BRINP3: variants seen among roughly 807,000 people sequenced by gnomAD.
BRINP3 encodes BMP/retinoic acid inducible neural specific 3.
Under a neutral mutation model 71.0 loss-of-function variants are expected in BRINP3, and 19 were observed. That is an observed-to-expected ratio of 0.27 (90% CI 0.19 to 0.39). The LOEUF (loss-of-function observed/expected upper bound fraction) is 0.39, where lower values mean the gene tolerates loss of function less well. Among genes scored for constraint, BRINP3 ranks in the 10% least tolerant of loss-of-function variants. The pLI is 1.00. For missense variants in BRINP3, 959 were observed against 940.8 expected, an observed-to-expected ratio of 1.02 and a Z score of -0.25; for synonymous variants, 380 against 337.7, an observed-to-expected ratio of 1.13 and a Z score of -1.37.
chr1:190,257,365 T>C (rs1211204859), intron 4 of BRINP3, among the ~76,000 whole-genome samples: 2 of 152,096 alleles, frequency 1.3e-5, no homozygotes, highest in Non-Finnish European at 2.9e-5. Flanking sequence ...CTCTACACTG[T>C]TTATTCTAGT....
At chr1:190,472,107 A>G (rs575499836) in intron 1 of BRINP3, among the ~76,000 whole-genome samples, 5 of 151,722 alleles carry the variant, frequency 3.3e-5, no homozygotes, top group African/African-American at 7.2e-5. Flanking sequence ...CCCTTGAAAA[A>G]TATATTTTGT....
chr1:190,101,248 C>T (rs1487674445), intron 7 of BRINP3, among the ~76,000 whole-genome samples: 2 of 152,150 alleles, frequency 1.3e-5, no homozygotes, highest in Admixed American at 6.5e-5. Flanking sequence ...CTCAAAAATT[C>T]TCCCAAAAGT....
At chr1:190,409,889 G>T (rs945873472) in intron 2 of BRINP3, among the ~76,000 whole-genome samples, 5 of 152,068 alleles carry the variant, frequency 3.3e-5, no homozygotes, top group Non-Finnish European at 7.4e-5. Context: ...AGACAAAGGA[G>T]GCAGAGAGAG....
At chr1:190,203,477 G>A (rs1048014817) in intron 6 of BRINP3, among the ~76,000 whole-genome samples, 19 of 147,490 alleles carry the variant, frequency 1.3e-4, no homozygotes, top group Middle Eastern at 3.5e-3. Flanking sequence ...GTGTGTGTGT[G>A]TGTATATATA....
At chr1:190,170,549 C>T (rs1558032084) in intron 6 of BRINP3, among the ~76,000 whole-genome samples, 1 of 151,902 alleles carries the variant, frequency 6.6e-6, no homozygotes, top group Non-Finnish European at 1.5e-5. Context: ...CTTATGACCA[C>T]GAATGACTCA....
chr1:190,224,909 C>T (rs983431671), intron 6 of BRINP3, among the ~76,000 whole-genome samples: 3 of 151,944 alleles, frequency 2.0e-5, no homozygotes, highest in African/African-American at 7.2e-5. Flanking sequence ...TGCTCAACAT[C>T]ACTAATTATC....
chr1:190,416,430 A>G (rs1265595078), intron 2 of BRINP3, among the ~76,000 whole-genome samples: 1 of 152,122 alleles, frequency 6.6e-6, no homozygotes, highest in Non-Finnish European at 1.5e-5. Context: ...CACTAGGCAT[A>G]ACTGCTGCCC....
chr1:190,348,911 C>G (rs542127097), intron 2 of BRINP3, among the ~76,000 whole-genome samples: 1 of 152,084 alleles, frequency 6.6e-6, no homozygotes, highest in Admixed American at 6.6e-5. Context: ...TATAACACAA[C>G]GCAACTTGTT....
chr1:190,130,228 ACTC>A (rs1654426101), intron 7 of BRINP3, among the ~76,000 whole-genome samples: 1 of 151,332 alleles, frequency 6.6e-6, no homozygotes, highest in Non-Finnish European at 1.5e-5. Context: ...ATAAACAAAA[ACTC>A]CTCTGTTTCT....
At chr1:190,314,395 ATTACCTGACTTTAGAATACTGAGG>A (rs1455472987) in intron 2 of BRINP3, among the ~76,000 whole-genome samples, 1 of 152,108 alleles carries the variant, frequency 6.6e-6, no homozygotes, top group Non-Finnish European at 1.5e-5. Flanking sequence ...ATAGTTGCTA[ATTACCTGACTTTAGAATACTGAGG>A]TTATCCTGGA....
At chr1:190,276,646 T>TAAACACACACACAC (rs1662579419) in intron 3 of BRINP3, among the ~76,000 whole-genome samples, 1 of 148,992 alleles carries the variant, frequency 6.7e-6, no homozygotes, top group Non-Finnish European at 1.5e-5. Context: ...CACACACACA[T>TAAACACACACACAC]ACACACACAC....
Position 190,290,889 on chromosome 1 carries a change from G to T in BRINP3, c.237-9139C>A, listed in dbSNP as rs74129270. On this transcript the variant is annotated intron_variant, in intron 2 of 7. Coordinates refer to ENST00000367462, the MANE Select transcript of BRINP3 (RefSeq NM_199051.3). ...TGTTACTGGTAATGTATATCTGTGAGTGTTTGTGTGTGTGTGTGCACGTGT... is the reference window on the plus strand; with the variant it reads ...TGTTACTGGTAATGTATATCTGTGATTGTTTGTGTGTGTGTGTGCACGTGT... Among the ~76,000 whole-genome samples, 569 of 151,820 alleles carry T rather than the reference G, an allele frequency of 3.7e-3. 6 individuals are homozygous for T. The highest frequency in any genetic ancestry group is 0.013 in the African/African-American group (536 of 41,376).
intron 2 of BRINP3, among the ~76,000 whole-genome samples, chr1:190,375,302 T>C (rs1041827072): frequency 2.0e-5 from 3 of 151,818 alleles, no homozygotes; most frequent in Admixed American, 6.6e-5. Context: ...TATAAATATA[T>C]GTGTGTATGT....
At chr1:190,268,792 C>T (rs1157198087) in intron 3 of BRINP3, among the ~76,000 whole-genome samples, 1 of 152,018 alleles carries the variant, frequency 6.6e-6, no homozygotes, top group Non-Finnish European at 1.5e-5. Flanking sequence ...TGGATTAGAT[C>T]ACACCATTTA....
intron 2 of BRINP3, among the ~76,000 whole-genome samples, chr1:190,392,665 A>AT (rs1439766571): frequency 6.6e-6 from 1 of 151,644 alleles, no homozygotes; most frequent in Non-Finnish European, 1.5e-5. Flanking sequence ...TCACTTTCAC[A>AT]TTTTTTATAT....
chr1:190,124,539 T>A (rs984667936), intron 7 of BRINP3, among the ~76,000 whole-genome samples: 3 of 152,112 alleles, frequency 2.0e-5, no homozygotes, highest in Non-Finnish European at 4.4e-5. Context: ...AACAAATACT[T>A]ATTAATAAAA....
chr1:190,131,557 A>C (rs1280529049), intron 7 of BRINP3, among the ~76,000 whole-genome samples: 3 of 152,034 alleles, frequency 2.0e-5, no homozygotes, highest in African/African-American at 7.2e-5. Flanking sequence ...TCTTTTATTT[A>C]TGCCCGTCTT....
At chr1:190,408,390 G>A (rs751152947) in intron 2 of BRINP3, among the ~76,000 whole-genome samples, 31 of 151,668 alleles carry the variant, frequency 2.0e-4, no homozygotes, top group Non-Finnish European at 4.6e-4. Flanking sequence ...CAATCACATT[G>A]GATTTAAATT....
intron 4 of BRINP3, among the ~76,000 whole-genome samples, chr1:190,263,322 C>T (rs1339122103): frequency 6.6e-6 from 1 of 152,084 alleles, no homozygotes; most frequent in African/African-American, 2.4e-5. Flanking sequence ...TATTTATATA[C>T]TTGTTACTCA....
Sources: allele counts gnomAD v4.1 joint callset (sites outside exome capture counted in the v4.1 genomes callset), GRCh38; gene constraint gnomAD v4.1.1; transcripts MANE v1.5; gene names NCBI Gene and HGNC (gene_info 2026-07-23, HGNC 2026-07-21).